The following SLC35F1 variants were observed in gnomAD, a reference collection of about 807,000 sequenced individuals.
The protein encoded by SLC35F1 is solute carrier family 35 member F1.
Under a neutral mutation model 48.7 loss-of-function variants are expected in SLC35F1, and 14 were observed. The observed-to-expected ratio is 0.29, with a 90% CI of 0.19 to 0.45. The LOEUF (loss-of-function observed/expected upper bound fraction) is 0.45, where lower values mean the gene tolerates loss of function less well. Ranked by LOEUF, SLC35F1 falls within the 20% of genes least tolerant of loss-of-function variation. The pLI is 1.00. For synonymous variants in SLC35F1, 190 were observed against 202.2 expected, an observed-to-expected ratio of 0.94 and a Z score of 0.51; for missense variants, 404 against 500.0, an observed-to-expected ratio of 0.81 and a Z score of 1.83.
At chr6:118,233,253 C>T (rs1562333805) in intron 2 of SLC35F1, among the ~76,000 whole-genome samples, 1 of 152,222 alleles carries the variant, frequency 6.6e-6, no homozygotes, top group Non-Finnish European at 1.5e-5. Context: ...GCGTGAGCCA[C>T]CGCGCCCAGC....
intron 1 of SLC35F1, among the ~76,000 whole-genome samples, chr6:118,012,379 G>A (rs1368648493): frequency 3.3e-5 from 5 of 151,708 alleles, no homozygotes; most frequent in African/African-American, 7.3e-5. Flanking sequence ...CTGGATACGT[G>A]ACTGTGAGAG....
chr6:117,973,887 C>T (rs1776674454), intron 1 of SLC35F1, among the ~76,000 whole-genome samples: 2 of 152,158 alleles, frequency 1.3e-5, no homozygotes, highest in African/African-American at 4.8e-5. Flanking sequence ...TAACAGTAAA[C>T]TCAAAGTTAT....
At chr6:117,982,522 A>T (rs1264610303) in intron 1 of SLC35F1, among the ~76,000 whole-genome samples, 3 of 152,244 alleles carry the variant, frequency 2.0e-5, no homozygotes, top group Non-Finnish European at 4.4e-5. Context: ...TTCCTTGACA[A>T]CAGCATTCAG....
At chr6:118,118,042 T>G (rs189762126) in intron 1 of SLC35F1, among the ~76,000 whole-genome samples, 21 of 152,334 alleles carry the variant, frequency 1.4e-4, no homozygotes, top group African/African-American at 5.0e-4. Flanking sequence ...CTATGAACAT[T>G]AACATATACA....
chr6:117,978,325 A>G (rs1228408046), intron 1 of SLC35F1, among the ~76,000 whole-genome samples: 2 of 152,104 alleles, frequency 1.3e-5, no homozygotes, highest in African/African-American at 2.4e-5. Context: ...AAAGAAAATA[A>G]ATCTTACCAG....
At chr6:118,245,356 C>A (rs772237156) in intron 3 of SLC35F1, among the ~76,000 whole-genome samples, 5 of 152,194 alleles carry the variant, frequency 3.3e-5, no homozygotes, top group Non-Finnish European at 7.3e-5. Context: ...AACCCCCACA[C>A]TCATATCTGA....
intron 1 of SLC35F1, among the ~76,000 whole-genome samples, chr6:118,112,359 C>G (rs1019887116): frequency 6.6e-6 from 1 of 152,058 alleles, no homozygotes; most frequent in Non-Finnish European, 1.5e-5. Context: ...TTCTCACAAA[C>G]CCTTGTAGCA....
chr6:117,935,487 A>G (rs1776153008), intron 1 of SLC35F1, among the ~76,000 whole-genome samples: 1 of 152,234 alleles, frequency 6.6e-6, no homozygotes, highest in Non-Finnish European at 1.5e-5. Flanking sequence ...CTTATTTAAT[A>G]TATATTGTTG....
At chr6:118,029,482 T>G (rs1247209855) in intron 1 of SLC35F1, among the ~76,000 whole-genome samples, 1 of 152,208 alleles carries the variant, frequency 6.6e-6, no homozygotes, top group African/African-American at 2.4e-5. Context: ...TGTGCCTGAT[T>G]TATAAATTAA....
At position 118,309,946 on chromosome 6, in the gene SLC35F1, T is replaced by G. The variant is rs148728189; in HGVS notation, c.1003-4082T>G. On this transcript the variant is annotated intron_variant, in intron 7 of 7. Transcript: ENST00000360388. ...TTTAAGCAGCACTCGGGGATTTTCA[T>G]TATGTGCAGTGAGTGCCTTCTGACC... is the stretch of plus-strand genomic sequence containing the variant. Among the ~76,000 whole-genome samples, 1,354 of 152,338 alleles carry G rather than the reference T, an allele frequency of 8.9e-3. 6 individuals carry two copies. Among genetic ancestry groups the G allele is most frequent in the South Asian group, 0.013 (65 of 4,824 alleles).
intron 3 of SLC35F1, among the ~76,000 whole-genome samples, chr6:118,236,918 A>G (rs1248205998): frequency 2.0e-5 from 3 of 152,116 alleles, no homozygotes; most frequent in Non-Finnish European, 4.4e-5. Context: ...CTTGTATGAA[A>G]TCCTTTCTCT....
At chr6:118,233,911 C>T (rs1451352979) in intron 2 of SLC35F1, among the ~76,000 whole-genome samples, 1 of 152,188 alleles carries the variant, frequency 6.6e-6, no homozygotes, top group Non-Finnish European at 1.5e-5. Context: ...ACTGATTTGA[C>T]CACCAAAGGT....
chr6:117,924,745 A>C (rs1278547345), intron 1 of SLC35F1, among the ~76,000 whole-genome samples: 1 of 152,036 alleles, frequency 6.6e-6, no homozygotes, highest in Non-Finnish European at 1.5e-5. Flanking sequence ...GATGTGATAG[A>C]AACTTGCTTT....
chr6:118,241,857 A>C (rs978303797), intron 3 of SLC35F1, among the ~76,000 whole-genome samples: 4 of 152,202 alleles, frequency 2.6e-5, no homozygotes, highest in Admixed American at 6.5e-5. Context: ...TTTTTCACTA[A>C]GCATAATGTC....
At chr6:118,312,586 G>C (rs1247980059) in intron 7 of SLC35F1, among the ~76,000 whole-genome samples, 1 of 152,178 alleles carries the variant, frequency 6.6e-6, no homozygotes, top group Non-Finnish European at 1.5e-5. Flanking sequence ...TAAAGGAATT[G>C]AGGGACAGGG....
In SLC35F1 at chr6:118,141,646, A is replaced by G. The variant is rs528492258; in HGVS notation, c.174-12799A>G. Among the ~76,000 whole-genome samples, 46 of 152,226 alleles carry G rather than the reference A, an allele frequency of 3.0e-4. 1 individual carries two copies. The South Asian group carries it at 8.1e-3, about 27-fold the overall frequency. On this transcript the variant is annotated intron_variant, in intron 1 of 7. Transcript: ENST00000360388. ...AAGAGAGTTCTCTGGGATCCTTTTT[A>G]CCCTGTTCATGAGGACTCCATCCTC...
intron 1 of SLC35F1, among the ~76,000 whole-genome samples, chr6:117,981,835 T>G (rs1776785204): frequency 1.3e-5 from 2 of 152,236 alleles, no homozygotes; most frequent in African/African-American, 4.8e-5. Context: ...CCCAATCTTT[T>G]ACAGTAGTTA....
intron 3 of SLC35F1, among the ~76,000 whole-genome samples, chr6:118,245,464 T>C (rs1397120029): frequency 6.6e-6 from 1 of 152,204 alleles, no homozygotes; most frequent in East Asian, 1.9e-4. Flanking sequence ...TAGTTGGATG[T>C]GCACCTGCTG....
chr6:118,061,297 T>C (rs1052252786), intron 1 of SLC35F1, among the ~76,000 whole-genome samples: 1 of 152,222 alleles, frequency 6.6e-6, no homozygotes, highest in Non-Finnish European at 1.5e-5. Context: ...TGCTGGTAAC[T>C]AAAACAGGCT....
Sources: gnomAD v4.1 joint callset for allele counts (sites outside exome capture counted in the v4.1 genomes callset) on GRCh38, gnomAD v4.1.1 for gene constraint, MANE v1.5 for transcripts, NCBI Gene and HGNC (gene_info 2026-07-23, HGNC 2026-07-21) for gene names.